The following CDC42BPA variants were observed in gnomAD, a reference collection of about 807,000 sequenced individuals.
CDC42BPA encodes the protein serine/threonine-protein kinase MRCK alpha.
In CDC42BPA, 80 loss-of-function variants were observed where a neutral mutation model predicts 223.5. The ratio of observed to expected loss-of-function variants is 0.36; its 90% CI spans 0.30 to 0.43. The LOEUF is 0.43. Among genes scored for constraint, CDC42BPA ranks in the 20% least tolerant of loss-of-function variants. The pLI is 1.00. For missense variants in CDC42BPA, 1,743 were observed against 2,099.9 expected (o/e 0.83, Z 3.32); for synonymous variants, 694 against 718.6 (o/e 0.97, Z 0.55).
At chr1:227,200,457 G>A (rs571452796) in intron 3 of CDC42BPA, among the ~76,000 whole-genome samples, 1 of 130,074 alleles carries the variant, frequency 7.7e-6, no homozygotes, top group Non-Finnish European at 1.7e-5. Context: ...AAAAAAAAAC[G>A]AAAGAAAGAA....
At chr1:227,259,205 A>G (rs1683621744) in intron 1 of CDC42BPA, among the ~76,000 whole-genome samples, 1 of 150,848 alleles carries the variant, frequency 6.6e-6, no homozygotes, top group Non-Finnish European at 1.5e-5. Flanking sequence ...GTGAGGCCCC[A>G]TTTAACTGGC....
At chr1:227,048,031 G>A (rs1446110531) in intron 22 of CDC42BPA, 21 bp from the exon 23 acceptor site, 9 of 1,428,960 alleles carry the variant, frequency 6.3e-6, no homozygotes, top group East Asian at 2.3e-5. Context: ...GAGCAAAAAA[G>A]GAAATAAATG....
chr1:227,018,511 G>C (rs1666739607), intron 32 of CDC42BPA, among the ~76,000 whole-genome samples: 1 of 152,162 alleles, frequency 6.6e-6, no homozygotes, highest in Non-Finnish European at 1.5e-5. Flanking sequence ...AGAGTAGAAA[G>C]ATGAAAAAGC....
At chr1:227,290,748 T>G (rs1689558221) in intron 1 of CDC42BPA, among the ~76,000 whole-genome samples, 1 of 152,332 alleles carries the variant, frequency 6.6e-6, no homozygotes, top group East Asian at 1.9e-4. Context: ...ATATCTATAA[T>G]GCATCCTTTC....
At chr1:227,162,136 A>G (rs1664022420) in intron 5 of CDC42BPA, among the ~76,000 whole-genome samples, 1 of 152,206 alleles carries the variant, frequency 6.6e-6, no homozygotes, top group African/African-American at 2.4e-5. Flanking sequence ...AGGAGATTAA[A>G]GGAACTGCAA....
intron 3 of CDC42BPA, among the ~76,000 whole-genome samples, chr1:227,203,143 A>G (rs1300284788): frequency 6.6e-6 from 1 of 152,100 alleles, no homozygotes; most frequent in Non-Finnish European, 1.5e-5. Context: ...GCATATACAT[A>G]TTTTTAAGCA....
chr1:227,211,792 C>T (rs2813958), intron 3 of CDC42BPA, among the ~76,000 whole-genome samples: 47,459 of 151,758 alleles, frequency 0.31, 7,615 homozygotes, highest in East Asian at 0.37. Flanking sequence ...GGGGTGAGGG[C>T]TGACAAGTTG....
chr1:227,058,911 T>C (rs1462361690), intron 21 of CDC42BPA, among the ~76,000 whole-genome samples: 1 of 152,084 alleles, frequency 6.6e-6, no homozygotes. Flanking sequence ...AGAACTGATT[T>C]ACATAAATTA....
At chr1:227,160,418 G>A (rs988668805) in intron 6 of CDC42BPA, 125 bp downstream of exon 6, 9 of 707,320 alleles carry the variant, frequency 1.3e-5, no homozygotes, top group South Asian at 4.9e-5. Context: ...AGGAGGTGGC[G>A]CATAGATAGA....
In CDC42BPA at chr1:227,145,744, A is replaced by G; in HGVS notation, c.895-7T>C. ...CTGGAAACTGAAACCTCTCCTAAACAGAGAAAAACAGAAACAAAATATAAA... is the reference window on the plus strand; with the variant it reads ...CTGGAAACTGAAACCTCTCCTAAACGGAGAAAAACAGAAACAAAATATAAA... On this transcript the variant is annotated splice_region_variant and splice_polypyrimidine_tract_variant and intron_variant, in intron 7 of 36. Coordinates refer to ENST00000366766, the MANE Select transcript of CDC42BPA (RefSeq NM_001394014.1). 6.3e-7 allele frequency: 1 copy of G among 1,595,786 alleles called. No individual in the cohort carries two copies. The highest frequency in any genetic ancestry group is 8.5e-7 in the Non-Finnish European group (1 of 1,170,516).
intron 21 of CDC42BPA, chr1:227,068,675 T>C (rs1394728542): frequency 2.3e-5 from 28 of 1,208,284 alleles, no homozygotes; most frequent in Non-Finnish European, 2.9e-5. Flanking sequence ...AATCAATCAG[T>C]GAAGATGAGG....
At chr1:227,246,824 C>A (rs750174710) in intron 2 of CDC42BPA, among the ~76,000 whole-genome samples, 1 of 152,170 alleles carries the variant, frequency 6.6e-6, no homozygotes, top group Non-Finnish European at 1.5e-5. Flanking sequence ...AAAAACCTGA[C>A]CTCACCAAAT....
intron 1 of CDC42BPA, among the ~76,000 whole-genome samples, chr1:227,258,793 AATT>A (rs1175785328): frequency 6.6e-6 from 1 of 151,160 alleles, no homozygotes; most frequent in Admixed American, 6.6e-5. Flanking sequence ...TGTTCTTAAA[AATT>A]ATATCCACCA....
intron 3 of CDC42BPA, among the ~76,000 whole-genome samples, chr1:227,202,690 T>C (rs1671989474): frequency 6.8e-6 from 1 of 147,096 alleles, no homozygotes; most frequent in African/African-American, 2.5e-5. Flanking sequence ...GGAAGTGAGG[T>C]GAGAGGATCG....
At chr1:227,230,306 A>C (rs1677605507) in intron 2 of CDC42BPA, among the ~76,000 whole-genome samples, 1 of 152,254 alleles carries the variant, frequency 6.6e-6, no homozygotes, top group Admixed American at 6.5e-5. Flanking sequence ...GTGTAATATA[A>C]GCAAAAGTGT....
chr1:227,296,932 C>T (rs1224037894), intron 1 of CDC42BPA, among the ~76,000 whole-genome samples: 1 of 151,896 alleles, frequency 6.6e-6, no homozygotes, highest in African/African-American at 2.4e-5. Flanking sequence ...AAATAATATA[C>T]ATGACAAAGA....
intron 34 of CDC42BPA, among the ~76,000 whole-genome samples, chr1:227,008,140 A>G (rs180945796): frequency 1.3e-5 from 2 of 152,340 alleles, no homozygotes; most frequent in Admixed American, 6.5e-5. Context: ...GTGCTGAAAG[A>G]TATTTGCTGA....
intron 2 of CDC42BPA, among the ~76,000 whole-genome samples, chr1:227,253,834 C>T (rs1387785064): frequency 2.6e-5 from 4 of 151,938 alleles, no homozygotes; most frequent in Admixed American, 2.6e-4. Context: ...ATATGAAGTA[C>T]ATGTGAAAAC....
At position 227,162,932 on chromosome 1, in the gene CDC42BPA, ATGTG is replaced by A. The variant is rs544787211; in HGVS notation, c.600-2300_600-2297del. Among the ~76,000 whole-genome samples the A allele has an allele frequency of 3.9e-3, 575 of 148,318 alleles. 6 individuals are homozygous for A. The highest frequency in any genetic ancestry group is 0.024 in the Middle Eastern group (7 of 286). On this transcript the variant is annotated intron_variant, in intron 5 of 36. Transcript: ENST00000366766. ...TGTATATGTGTGTGTTTCCAAACAT[ATGTG>A]TGTGTTTCCAAACATATATGTTTCC...
Sources: gnomAD v4.1 joint callset for allele counts (sites outside exome capture counted in the v4.1 genomes callset) on GRCh38, gnomAD v4.1.1 for gene constraint, MANE v1.5 for transcripts, NCBI Gene and HGNC (gene_info 2026-07-23, HGNC 2026-07-21) for gene names.